MCU: variants seen among roughly 807,000 people sequenced by gnomAD.
MCU encodes the protein calcium uniporter protein, mitochondrial.
A neutral mutation model predicts 45.2 loss-of-function variants in MCU; 12 were observed. The ratio of observed to expected loss-of-function variants is 0.27; its 90% CI spans 0.17 to 0.43. The LOEUF is 0.43. Among genes scored for constraint, MCU ranks in the 20% least tolerant of loss-of-function variants. MCU has a pLI of 1.00. For missense variants in MCU, 324 were observed against 436.7 expected, an observed-to-expected ratio of 0.74 and a Z score of 2.30; for synonymous variants, 160 against 165.1, an observed-to-expected ratio of 0.97 and a Z score of 0.24.
Position 72,692,779 on chromosome 10 carries a change from G to A in MCU, c.150+478G>A. The A allele has an allele frequency of 3.6e-6, 5 of 1,381,264 alleles. No homozygotes were observed. In the South Asian group the frequency reaches 7.0e-5, roughly 19 times the overall value. The allele number at this position is 1,381,264 out of a possible 1,614,324, so 85.6% of individuals were successfully genotyped here. A position where few individuals can be genotyped will look rare whatever the true frequency, so the allele number is the denominator to read the frequency against. On this transcript the variant is annotated intron_variant, in intron 1 of 7. Transcript: ENST00000373053. ...GTGCCATGCTGCTGGGAGCTGCCCCGGAGAGCAGCCCAGGACCCCGGCGGG... is the reference window on the plus strand; with the variant it reads ...GTGCCATGCTGCTGGGAGCTGCCCCAGAGAGCAGCCCAGGACCCCGGCGGG...
rs558736018 is a variant in MCU at position 72,877,275 on chromosome 10, G to A, written c.861+5695G>A. 4.6e-5 allele frequency among the ~76,000 whole-genome samples: 7 copies of A among 152,232 alleles called. No homozygotes were observed. The East Asian group carries it at 1.2e-3, about 25-fold the overall frequency. On this transcript the variant is annotated intron_variant, in intron 6 of 7. Coordinates refer to ENST00000373053, the MANE Select transcript of MCU (RefSeq NM_138357.3). ...GCACATAGTTGCTCAGTAAATGATTGTTGCCCGAAAGAGGAAGCACAGAAA... is the reference window on the plus strand; with the variant it reads ...GCACATAGTTGCTCAGTAAATGATTATTGCCCGAAAGAGGAAGCACAGAAA...
intron 2 of MCU, among the ~76,000 whole-genome samples, chr10:72,839,044 C>T (rs997190237): frequency 2.0e-5 from 3 of 151,372 alleles, no homozygotes; most frequent in African/African-American, 4.9e-5. Flanking sequence ...GGCTGGAGTG[C>T]AGTGGTGCGG....
intron 1 of MCU, among the ~76,000 whole-genome samples, chr10:72,737,263 TTTAACA>T (rs1843263773): frequency 3.3e-5 from 5 of 152,204 alleles, no homozygotes; most frequent in South Asian, 2.1e-4. Flanking sequence ...TAGCAGAAAC[TTTAACA>T]TTATAGGAAT....
chr10:72,824,197 CTTTT>C (rs35710019), intron 1 of MCU, among the ~76,000 whole-genome samples: 2 of 135,200 alleles, frequency 1.5e-5, no homozygotes, highest in Non-Finnish European at 3.2e-5. Flanking sequence ...TGATTTCTTT[CTTTT>C]TTTTTTTTTT....
intron 1 of MCU, among the ~76,000 whole-genome samples, chr10:72,702,695 G>A (rs1237196369): frequency 6.6e-6 from 1 of 152,106 alleles, no homozygotes; most frequent in Non-Finnish European, 1.5e-5. Context: ...GAAACATTTG[G>A]GGCCAGGTGC....
chr10:72,817,151 T>C (rs571329871), intron 1 of MCU, among the ~76,000 whole-genome samples: 27 of 152,316 alleles, frequency 1.8e-4, no homozygotes, highest in African/African-American at 6.3e-4. Context: ...ACCTCTATAT[T>C]GTAAAGCAAA....
chr10:72,876,426 C>T (rs914584475), intron 6 of MCU, among the ~76,000 whole-genome samples: 4 of 152,156 alleles, frequency 2.6e-5, no homozygotes, highest in African/African-American at 4.8e-5. Context: ...TTGTCTTTTA[C>T]AGTATGTACT....
chr10:72,851,138 T>C (rs1457411661), intron 2 of MCU, among the ~76,000 whole-genome samples: 1 of 152,238 alleles, frequency 6.6e-6, no homozygotes, highest in Admixed American at 6.5e-5. Context: ...AGCTCTGAAT[T>C]GCATTATTCC....
intron 1 of MCU, among the ~76,000 whole-genome samples, chr10:72,787,549 A>C (rs747409184): frequency 2.6e-5 from 4 of 152,134 alleles, no homozygotes; most frequent in Non-Finnish European, 5.9e-5. Flanking sequence ...GATTATAGGC[A>C]TGAGCCACCG....
intron 1 of MCU, chr10:72,766,498 A>C (rs1368399677): frequency 1.3e-5 from 2 of 152,196 alleles, no homozygotes; most frequent in African/African-American, 4.8e-5. Context: ...CATGAATTAG[A>C]AATCTGTACC....
chr10:72,750,825 TTC>T (rs777649790), intron 1 of MCU, among the ~76,000 whole-genome samples: 8 of 152,186 alleles, frequency 5.3e-5, no homozygotes, highest in Non-Finnish European at 1.0e-4. Flanking sequence ...CTTTCATTTG[TTC>T]TGTTTCTATA....
chr10:72,872,990 GTTTTTGTT>G (rs1324995704), intron 6 of MCU, among the ~76,000 whole-genome samples: 2 of 80,694 alleles, frequency 2.5e-5, no homozygotes, highest in African/African-American at 9.2e-5. Flanking sequence ...TTATTTGTTT[GTTTTTGTT>G]TTTTTGTTTT....
At chr10:72,716,476 CATTT>C (rs1466243469) in intron 1 of MCU, among the ~76,000 whole-genome samples, 1 of 152,116 alleles carries the variant, frequency 6.6e-6, no homozygotes, top group Non-Finnish European at 1.5e-5. Flanking sequence ...TTCTTTCATT[CATTT>C]ATTCTCTGTC....
chr10:72,727,263 GA>G (rs1843114214), intron 1 of MCU, among the ~76,000 whole-genome samples: 1 of 152,118 alleles, frequency 6.6e-6, no homozygotes, highest in South Asian at 2.1e-4. Flanking sequence ...ATAAAGAACA[GA>G]TGAAAATACT....
Position 72,805,201 on chromosome 10 carries a change from CCTTT to C in MCU, c.151-29154_151-29151del, listed in dbSNP as rs1459216867. 8.4e-3 allele frequency among the ~76,000 whole-genome samples: 1,203 copies of C among 143,636 alleles called. 39 individuals are homozygous for C. Among genetic ancestry groups the C allele is most frequent in the African/African-American group, 0.03 (1,134 of 37,312 alleles). The allele number at this position is 143,636 out of a possible 152,430, so 94.2% of individuals were successfully genotyped here. A position where few individuals can be genotyped will look rare whatever the true frequency, so the allele number is the denominator to read the frequency against. On this transcript the variant is annotated intron_variant, in intron 1 of 7. Transcript: ENST00000373053. ...TCTTTCCTTCCTTCCTTCCTTCCTT[CCTTT>C]CTTCCTTTCCTTTCCTTTCCTTTTT... is the stretch of plus-strand genomic sequence containing the variant.
chr10:72,750,408 G>T (rs988230367), intron 1 of MCU, among the ~76,000 whole-genome samples: 1 of 152,168 alleles, frequency 6.6e-6, no homozygotes, highest in South Asian at 2.1e-4. Flanking sequence ...ACAAAACTGA[G>T]CTCTGAGAAA....
At chr10:72,869,773 G>C (rs577061863) in intron 5 of MCU, among the ~76,000 whole-genome samples, 108 of 152,050 alleles carry the variant, frequency 7.1e-4, no homozygotes, top group Non-Finnish European at 1.3e-3. Context: ...TTTATATAAG[G>C]GACTTTAACA....
intron 1 of MCU, among the ~76,000 whole-genome samples, chr10:72,743,032 G>A (rs529990605): frequency 6.7e-6 from 1 of 148,418 alleles, no homozygotes. Context: ...GAGAGGGTGA[G>A]GGGGAGAGAG....
chr10:72,727,145 G>A (rs1270131831), intron 1 of MCU, among the ~76,000 whole-genome samples: 2 of 152,186 alleles, frequency 1.3e-5, no homozygotes. Flanking sequence ...TCCTCTTGTA[G>A]TCTCTCAGCT....
Sources: gnomAD v4.1 joint callset for allele counts (sites outside exome capture counted in the v4.1 genomes callset) on GRCh38, gnomAD v4.1.1 for gene constraint, MANE v1.5 for transcripts, NCBI Gene and HGNC (gene_info 2026-07-23, HGNC 2026-07-21) for gene names.